Variants in GPHN observed in about 807,000 individuals in gnomAD.
GPHN encodes the protein gephyrin.
GPHN carries 17 observed loss-of-function variants against 95.5 expected under a neutral mutation model. The observed-to-expected ratio is 0.18, with a 90% CI of 0.12 to 0.27. The LOEUF (loss-of-function observed/expected upper bound fraction) is 0.27, where lower values mean the gene tolerates loss of function less well. GPHN is among the 10% of genes least tolerant of loss of function. The pLI, the probability that GPHN is intolerant of heterozygous loss-of-function variation, is 1.00. For missense variants in GPHN, 660 were observed against 978.1 expected, an observed-to-expected ratio of 0.67 and a Z score of 4.34; for synonymous variants, 320 against 322.5, an observed-to-expected ratio of 0.99 and a Z score of 0.08.
chr14:67,120,832 T>C (rs1446495005), intron 16 of GPHN, among the ~76,000 whole-genome samples: 1 of 152,222 alleles, frequency 6.6e-6, no homozygotes, highest in African/African-American at 2.4e-5. Flanking sequence ...CAATGTCACA[T>C]GGCATCTGAT....
At chr14:66,913,776 A>T (rs899227642) in intron 5 of GPHN, among the ~76,000 whole-genome samples, 8 of 152,180 alleles carry the variant, frequency 5.3e-5, no homozygotes, top group Non-Finnish European at 1.2e-4. Context: ...TTTATTCCAT[A>T]ATACTTAGTA....
the GPHN span, among the ~76,000 whole-genome samples, chr14:67,361,746 A>G: frequency 6.6e-6 from 1 of 152,232 alleles, no homozygotes; most frequent in Non-Finnish European, 1.5e-5. Context: ...ACATCAGAAC[A>G]CATAAGAGTA....
intron 9 of GPHN, among the ~76,000 whole-genome samples, chr14:66,993,459 A>G (rs928447336): frequency 2.0e-5 from 3 of 152,102 alleles, no homozygotes; most frequent in African/African-American, 7.2e-5. Flanking sequence ...TTTTCTATTT[A>G]TTACTTCATT....
chr14:67,167,020 G>C (rs1262723021), intron 20 of GPHN, among the ~76,000 whole-genome samples: 1 of 152,158 alleles, frequency 6.6e-6, no homozygotes. Flanking sequence ...TGTAGGCCAT[G>C]CGTTTAAAGC....
At chr14:66,894,931 A>G (rs1362502931) in intron 5 of GPHN, among the ~76,000 whole-genome samples, 1 of 152,240 alleles carries the variant, frequency 6.6e-6, no homozygotes, top group Non-Finnish European at 1.5e-5. Context: ...TAGTTCAACC[A>G]CTGTGGAAGA....
At chr14:66,657,529 A>C (rs1221015829) in intron 1 of GPHN, among the ~76,000 whole-genome samples, 9 of 152,220 alleles carry the variant, frequency 5.9e-5, no homozygotes, top group Admixed American at 5.9e-4. Context: ...CTGGCTTCAA[A>C]GCTTAGGCTG....
At chr14:66,526,434 CA>C (rs1342088780) in intron 1 of GPHN, among the ~76,000 whole-genome samples, 1 of 152,154 alleles carries the variant, frequency 6.6e-6, no homozygotes, top group East Asian at 1.9e-4. Context: ...CAAACAGAGA[CA>C]ATTTGACTTC....
intron 1 of GPHN, among the ~76,000 whole-genome samples, chr14:66,575,446 A>G (rs1473444289): frequency 1.3e-5 from 2 of 152,228 alleles, no homozygotes; most frequent in African/African-American, 2.4e-5. Context: ...GTAAATATAA[A>G]TTTCTTTAGA....
the GPHN span, chr14:67,578,394 A>T: frequency 1.3e-6 from 1 of 768,642 alleles, no homozygotes; most frequent in Non-Finnish European, 2.2e-6. The surrounding 1 kb of genome is among the most constrained non-coding windows in gnomAD (Gnocchi z 5.0). Context: ...AGCCTGACCA[A>T]GTTGGCCATC....
rs1249086309 is a variant in GPHN at position 67,053,175 on chromosome 14, G to GT, written c.1007-5460dup. Among the ~76,000 whole-genome samples the GT allele has an allele frequency of 9.5e-3, 896 of 94,006 alleles. 3 individuals carry two copies. Among genetic ancestry groups the GT allele is most frequent in the East Asian group, 0.036 (72 of 1,982 alleles). The allele number at this position is 94,006 out of a possible 152,430, so 61.7% of individuals were successfully genotyped here. On this transcript the variant is annotated intron_variant, in intron 10 of 22. Coordinates refer to ENST00000478722, the MANE Select transcript of GPHN (RefSeq NM_020806.5). Reference sequence around the variant, plus strand: ...AATCAATGAATCTAGGAGCTGGTTTGTTTTTTTTTTTTTTGGAAAAAAAAA... The same window carrying GT: ...AATCAATGAATCTAGGAGCTGGTTTGTTTTTTTTTTTTTTTGGAAAAAAAAA...
chr14:66,998,773 C>T (rs754494764), intron 9 of GPHN, among the ~76,000 whole-genome samples: 1 of 151,636 alleles, frequency 6.6e-6, no homozygotes, highest in Non-Finnish European at 1.5e-5. Context: ...AAGCCTTGCT[C>T]AAAAATGAAC....
At chr14:67,168,842 C>T (rs1376375691) in intron 20 of GPHN, 91 bp from the exon 21 acceptor site, 1 of 884,344 alleles carries the variant, frequency 1.1e-6, no homozygotes, top group Non-Finnish European at 1.9e-6. Flanking sequence ...TCACTTCCGT[C>T]ACATTCTGAT....
the GPHN span, among the ~76,000 whole-genome samples, chr14:67,564,575 A>T: frequency 6.6e-6 from 1 of 151,848 alleles, no homozygotes; most frequent in East Asian, 1.9e-4. Flanking sequence ...CTCCTACTTC[A>T]GCCTTCTAAG....
chr14:67,639,977 AACAG>A, the GPHN span, among the ~76,000 whole-genome samples: 1 of 151,442 alleles, frequency 6.6e-6, no homozygotes, highest in East Asian at 1.9e-4. Context: ...TTGTGTTGTC[AACAG>A]ACAGAGGAAA....
the GPHN span, among the ~76,000 whole-genome samples, chr14:67,712,060 C>T: frequency 6.6e-6 from 1 of 152,144 alleles, no homozygotes; most frequent in African/African-American, 2.4e-5. Context: ...GTTGGGATTA[C>T]AGACATGTGC....
At chr14:66,887,472 A>G (rs1335000994) in intron 5 of GPHN, among the ~76,000 whole-genome samples, 1 of 152,140 alleles carries the variant, frequency 6.6e-6, no homozygotes, top group Non-Finnish European at 1.5e-5. Context: ...CTATAGTCCC[A>G]GCTGAGGCAG....
intron 11 of GPHN, among the ~76,000 whole-genome samples, chr14:67,072,407 G>C (rs17103876): frequency 2.0e-5 from 3 of 151,870 alleles, no homozygotes; most frequent in Non-Finnish European, 2.9e-5. Context: ...TTTTAAGTTT[G>C]AGTGATTCAC....
Position 67,089,088 on chromosome 14 carries a change from G to GT in GPHN, c.1237+17dup. The GT allele has an allele frequency of 3.5e-6, 4 of 1,139,088 alleles. No homozygotes were observed. In the African/African-American group the frequency reaches 6.3e-5, roughly 18 times the overall value. 70.6% of individuals were successfully genotyped at this position (1,139,088 alleles called of 1,614,324 possible). A position where few individuals can be genotyped will look rare whatever the true frequency, so the allele number is the denominator to read the frequency against. On this transcript the variant is annotated intron_variant, in intron 12 of 22. Coordinates refer to ENST00000478722, the MANE Select transcript of GPHN (RefSeq NM_020806.5). ...TATGCTGTCCGAGGTAAATATTTTG[G>GT]TTTTCTTAAACATAATCAGGCACTG... is the stretch of plus-strand genomic sequence containing the variant.
At chr14:66,840,552 G>A (rs1293109689) in intron 4 of GPHN, among the ~76,000 whole-genome samples, 1 of 152,090 alleles carries the variant, frequency 6.6e-6, no homozygotes, top group South Asian at 2.1e-4. Context: ...CTGCCAGACC[G>A]GTAGCACAGA....
Sources: gnomAD v4.1 joint callset for allele counts (sites outside exome capture counted in the v4.1 genomes callset) on GRCh38, gnomAD v4.1.1 for gene constraint, Gnocchi (gnomAD v3.1) non-coding constraint, MANE v1.5 for transcripts, NCBI Gene and HGNC (gene_info 2026-07-23, HGNC 2026-07-21) for gene names.